Variants in KLHDC4 observed in about 807,000 individuals in gnomAD.
The protein encoded by KLHDC4 is kelch domain containing 4.
A neutral mutation model predicts 62.4 loss-of-function variants in KLHDC4; 90 were observed. The ratio of observed to expected loss-of-function variants is 1.44; its 90% CI spans 1.22 to 1.72. The LOEUF (loss-of-function observed/expected upper bound fraction) is 1.72, where lower values mean the gene tolerates loss of function less well. KLHDC4 is among the 40% of genes most tolerant of loss of function. The pLI is 0.00. For synonymous variants in KLHDC4, 386 were observed against 284.4 expected (o/e 1.36, Z -3.59); for missense variants, 1,025 against 699.7 (o/e 1.47, Z -5.25).
In KLHDC4 at chr16:87,738,558, C is replaced by G. The variant is rs144225892; in HGVS notation, c.507-7914G>C. On this transcript the variant is annotated intron_variant, in intron 5 of 11. Transcript: ENST00000270583. ...TCCATCCACACACCAGCACCTCATC[C>G]ACACACCAGCACCTCATCCATCCAC... is the stretch of plus-strand genomic sequence containing the variant. Among the ~76,000 whole-genome samples, 729 of 151,492 alleles carry G rather than the reference C, an allele frequency of 4.8e-3. 3 individuals are homozygous for G. The highest frequency in any genetic ancestry group is 0.017 in the African/African-American group (687 of 41,288).
In KLHDC4 at chr16:87,748,808, G is replaced by A. The variant is rs374624924; in HGVS notation, c.371C>T (p.Ala124Val). Residue 124 changes from alanine to valine, a missense_variant and splice_region_variant, in exon 5 of 12, where the codon GCG (alanine) becomes GTG (valine). By Grantham distance (64) the Ala-to-Val change is moderately conservative (BLOSUM62 0). Coordinates refer to ENST00000270583, the MANE Select transcript of KLHDC4 (RefSeq NM_017566.4). ...TCCGCCACCTTGAGGCACTACCACC[G>A]CCTGTGAAAAGAAAGGTGACAGGTC... ...SPPPRRCAHQAVVVPQGGGQL... is the reference protein window; with the variant it reads ...SPPPRRCAHQVVVVPQGGGQL... The A allele has an allele frequency of 1.5e-5, 24 of 1,612,110 alleles. No homozygotes were observed. The East Asian group carries it at 3.1e-4, about 21-fold the overall frequency.
chr16:87,719,934 G>A lies in KLHDC4; in HGVS notation c.760-5361C>T, dbSNP rs571200071. Among the ~76,000 whole-genome samples the A allele has an allele frequency of 2.0e-5, 3 of 152,288 alleles. No individual in the cohort carries two copies. In the East Asian group the frequency reaches 5.8e-4, roughly 29 times the overall value. On this transcript the variant is annotated intron_variant, in intron 7 of 11. Transcript: ENST00000270583. ...TCGGCCGCACACGCCAAGTCCCAAC[G>A]GGCCCCCACCTCCCGCACAATGTAG...
chr16:87,707,285 G>C (rs148249646), downstream of KLHDC4, among the ~76,000 whole-genome samples: 1 of 152,220 alleles, frequency 6.6e-6, no homozygotes, highest in African/African-American at 2.4e-5. Flanking sequence ...GCCATGTGGG[G>C]ACGTTGGGAG....
chr16:87,734,335 C>T (rs528175394), intron 5 of KLHDC4, among the ~76,000 whole-genome samples: 3 of 152,010 alleles, frequency 2.0e-5, no homozygotes, highest in South Asian at 2.1e-4. Flanking sequence ...TAGAGCAAGA[C>T]TCCGTCTCAA....
At chr16:87,709,934 AC>A (rs1322512164) in intron 9 of KLHDC4, 15 of 479,392 alleles carry the variant, frequency 3.1e-5, no homozygotes, top group African/African-American at 2.9e-4. Flanking sequence ...GCCGCTCCAC[AC>A]CTCCACTGAG....
chr16:87,711,512 G>C, intron 8 of KLHDC4, 69 bp from the exon 9 acceptor site: 1 of 1,362,334 alleles, frequency 7.3e-7, no homozygotes, highest in Non-Finnish European at 9.9e-7. Flanking sequence ...CCCAGGACAC[G>C]CTCAGGACCC....
At chr16:87,707,360 T>TGGGACA (rs1348465645), downstream of KLHDC4, among the ~76,000 whole-genome samples, 4 of 152,190 alleles carry the variant, frequency 2.6e-5, no homozygotes, top group Non-Finnish European at 5.9e-5. Flanking sequence ...TAAACCCGAC[T>TGGGACA]GGGACAGGGA....
Position 87,733,267 on chromosome 16 carries a change from T to C in KLHDC4, c.507-2623A>G, listed in dbSNP as rs114222927. 4.7e-3 allele frequency among the ~76,000 whole-genome samples: 710 copies of C among 152,354 alleles called. 8 individuals are homozygous for C. Among genetic ancestry groups the C allele is most frequent in the African/African-American group, 0.016 (665 of 41,588 alleles). On this transcript the variant is annotated intron_variant, in intron 5 of 11. Transcript: ENST00000270583. ...CGTTTCCTGCATCTCCCAGCAGTCC[T>C]CCAGTGAGCAGGCGTGACTTTCACA...
chr16:87,757,940 G>A lies in KLHDC4; in HGVS notation c.192-1463C>T, dbSNP rs377028599. Among the ~76,000 whole-genome samples the A allele has an allele frequency of 6.6e-5, 10 of 152,276 alleles. No homozygotes were observed. In the South Asian group the frequency reaches 1.0e-3, roughly 16 times the overall value. The stretch of plus-strand genomic sequence containing the variant: ...ATACATAGGGCCACTTCAGTTGAAA[G>A]TAATGAAAGACACAGTGACTATCTG... On this transcript the variant is annotated intron_variant, in intron 2 of 11. Transcript: ENST00000270583.
chr16:87,765,093 G>A (rs1288180524), intron 1 of KLHDC4: 2 of 455,934 alleles, frequency 4.4e-6, no homozygotes, highest in South Asian at 3.1e-5. Flanking sequence ...AGCCCAGGGA[G>A]CTGTGCCTGG....
intron 5 of KLHDC4, among the ~76,000 whole-genome samples, chr16:87,745,694 G>C (rs2042936029): frequency 6.6e-6 from 1 of 152,226 alleles, no homozygotes; most frequent in Non-Finnish European, 1.5e-5. Flanking sequence ...TTGGGGCAGG[G>C]TGGGAGAGGG....
intron 7 of KLHDC4, among the ~76,000 whole-genome samples, chr16:87,718,619 G>C (rs1567686397): frequency 6.6e-6 from 1 of 151,904 alleles, no homozygotes; most frequent in Non-Finnish European, 1.5e-5. Flanking sequence ...CCAAAGTGCT[G>C]AGATTGCAGC....
Position 87,755,479 on chromosome 16 carries a change from C to T in KLHDC4, c.271-187G>A. 2.1e-5 allele frequency: 10 copies of T among 467,516 alleles called. No individual in the cohort carries two copies. In the South Asian group the frequency reaches 2.2e-4, roughly 10 times the overall value. 29.0% of individuals were successfully genotyped at this position (467,516 alleles called of 1,614,324 possible). On this transcript the variant is annotated intron_variant, in intron 3 of 11. Coordinates refer to ENST00000270583, the MANE Select transcript of KLHDC4 (RefSeq NM_017566.4). ...GGGATGACGACACAATGAAAACGAC[C>T]GAACGCCCACCAGGCCCATCAATCT... is the stretch of plus-strand genomic sequence containing the variant.
intron 5 of KLHDC4, 191 bp from the exon 6 acceptor site, chr16:87,730,835 A>G (rs945517243): frequency 1.0e-4 from 54 of 525,352 alleles, no homozygotes; most frequent in South Asian, 9.4e-4. Context: ...CCAGCTAGCT[A>G]AGCTCAAACC....
At chr16:87,701,882 G>A (rs1410085949) in exon 1 of KLHDC4, 1 of 456,416 alleles carries the variant, frequency 2.2e-6, no homozygotes, top group Non-Finnish European at 4.4e-6. Context: ...TCGAGCCCAG[G>A]GAGTGGAGGA....
intron 5 of KLHDC4, among the ~76,000 whole-genome samples, chr16:87,736,356 C>T (rs979789249): frequency 6.6e-6 from 1 of 152,194 alleles, no homozygotes; most frequent in East Asian, 1.9e-4. Context: ...ACAGAAACAT[C>T]GTGAGGCAGC....
downstream of KLHDC4, among the ~76,000 whole-genome samples, chr16:87,705,419 C>T (rs1177931825): frequency 6.6e-6 from 1 of 152,244 alleles, no homozygotes; most frequent in African/African-American, 2.4e-5. Context: ...CCGTGACAGC[C>T]ACTCCATGCT....
chr16:87,720,962 G>A (rs2142994777), intron 7 of KLHDC4, among the ~76,000 whole-genome samples: 1 of 152,276 alleles, frequency 6.6e-6, no homozygotes, highest in East Asian at 1.9e-4. Flanking sequence ...TCTGAACCGG[G>A]ACAAGGCCCT....
At chr16:87,722,149 G>A (rs192077085) in intron 7 of KLHDC4, among the ~76,000 whole-genome samples, 2 of 152,304 alleles carry the variant, frequency 1.3e-5, no homozygotes, top group Admixed American at 6.5e-5. Flanking sequence ...TGTCCCACAC[G>A]CTGCATCTCT....
Sources: gnomAD v4.1 joint callset for allele counts (sites outside exome capture counted in the v4.1 genomes callset) on GRCh38, gnomAD v4.1.1 for gene constraint, MANE v1.5 for transcripts, NCBI Gene and HGNC (gene_info 2026-07-23, HGNC 2026-07-21) for gene names.